The following RP1 variants were observed in gnomAD, a reference collection of about 807,000 sequenced individuals.
RP1 encodes the protein RP1 axonemal microtubule associated.
RP1 carries 16 observed loss-of-function variants against 14.8 expected under a neutral mutation model. That is an observed-to-expected ratio of 1.08 (90% CI 0.73 to 1.65). The LOEUF (loss-of-function observed/expected upper bound fraction) is 1.65. RP1 is among the 40% of genes most tolerant of loss of function. The pLI is 0.00. For missense variants in RP1, 2,631 were observed against 2,535.0 expected, an observed-to-expected ratio of 1.04 and a Z score of -0.81; for synonymous variants, 876 against 883.6, an observed-to-expected ratio of 0.99 and a Z score of 0.15.
chr8:54,837,926 A>G (rs888579011), intron 25 of RP1, among the ~76,000 whole-genome samples: 1 of 152,238 alleles, frequency 6.6e-6, no homozygotes, highest in African/African-American at 2.4e-5. Context: ...AGTCTCATAT[A>G]ATGTTTATTT....
In RP1 at chr8:54,816,131, C is replaced by T. The variant is rs780800793; in HGVS notation, c.3616-21319C>T. On this transcript the variant is annotated intron_variant, in intron 24 of 28. Coordinates refer to the RP1 transcript ENST00000637698. ...TTCTTAAAAATAAAACCCTCACTCT[C>T]CAATTATAAACAATCCCAATGAGAG... 1.3e-5 allele frequency among the ~76,000 whole-genome samples: 2 copies of T among 152,100 alleles called. 1 individual carries two copies. The highest frequency in any genetic ancestry group is 3.9e-4 in the East Asian group (2 of 5,186).
At chr8:54,842,668 T>A (rs1032249466) in intron 25 of RP1, among the ~76,000 whole-genome samples, 1 of 152,138 alleles carries the variant, frequency 6.6e-6, no homozygotes, top group African/African-American at 2.4e-5. Context: ...GTGACCCTCT[T>A]AAAATGTCAA....
rs1217453026 is a variant in RP1, at chr8:54,621,223, C to T, written c.257C>T (p.Pro86Leu). The change falls in exon 2 of 4, where the codon CCT becomes CTT. Residue 86 changes from proline (P) to leucine (L), a missense_variant. Coordinates refer to ENST00000220676, the MANE Select transcript of RP1 (RefSeq NM_006269.2). ...LPFGVRNIST[P>L]RGRHSITRLE... is the part of the protein sequence containing the mutation. The stretch of plus-strand genomic sequence containing the variant: ...TTTGGAGTGAGGAACATCAGCACCC[C>T]TCGGGGCAGGCACAGCATCACGCGC... The T allele has an allele frequency of 1.9e-6, 3 of 1,614,184 alleles. No individual in the cohort carries two copies. The highest frequency in any genetic ancestry group is 3.3e-5 in the Admixed American group (2 of 60,028).
At chr8:54,856,888 C>A in intron 26 of RP1, 1 of 333,648 alleles carries the variant, frequency 3.0e-6, no homozygotes, top group Middle Eastern at 8.3e-4. Flanking sequence ...TAGAACTTTG[C>A]ACATAAAATA....
At chr8:54,746,613 G>C (rs139828392) in intron 19 of RP1, among the ~76,000 whole-genome samples, 4 of 152,212 alleles carry the variant, frequency 2.6e-5, no homozygotes, top group Non-Finnish European at 4.4e-5. Context: ...ATACATGTTA[G>C]CAAATGCTGT....
intron 1 of RP1, among the ~76,000 whole-genome samples, chr8:54,606,474 C>T (rs1220170154): frequency 1.3e-5 from 2 of 152,096 alleles, no homozygotes; most frequent in Non-Finnish European, 2.9e-5. Context: ...CTGCCCTTAA[C>T]ATTTATTCCT....
intron 7 of RP1, among the ~76,000 whole-genome samples, chr8:54,670,896 A>G (rs1807165623): frequency 6.6e-6 from 1 of 151,128 alleles, no homozygotes; most frequent in Non-Finnish European, 1.5e-5. Context: ...AGATGTATGT[A>G]TTGTTCTTGG....
intron 26 of RP1, among the ~76,000 whole-genome samples, chr8:54,855,934 T>C (rs1004334011): frequency 2.6e-4 from 15 of 57,836 alleles, no homozygotes; most frequent in South Asian, 7.3e-4. Flanking sequence ...AGACTTACTA[T>C]ACACACACAC....
chr8:54,860,590 T>C (rs1812321359), intron 27 of RP1, among the ~76,000 whole-genome samples: 1 of 152,116 alleles, frequency 6.6e-6, no homozygotes, highest in Admixed American at 6.5e-5. Context: ...TATATGTGCT[T>C]TTCTGTTTGT....
chr8:54,769,893 A>G (rs1200951244), exon 23 of RP1: 6 of 803,638 alleles, frequency 7.5e-6, no homozygotes, highest in African/African-American at 7.0e-5. Flanking sequence ...TTTCCTCAGA[A>G]CATCCCCTTT....
chr8:54,626,221 G>A lies in RP1; in HGVS notation c.2339G>A (p.Arg780Lys), dbSNP rs762382791. ...VQGLLTKRKS[R>K]SLNKISLGAP... ...GGACTTTTAACCAAAAGAAAATCTA[G>A]ATCACTAAATAAAATAAGCTTAGGA... Residue 780 changes from arginine (R) to lysine (K), a missense_variant, in exon 4 of 4, where the codon AGA becomes AAA. By Grantham distance (26) the Arg-to-Lys change is conservative (BLOSUM62 2). Transcript: ENST00000220676. 1.9e-6 allele frequency: 3 copies of A among 1,610,220 alleles called. No individual in the cohort carries two copies. Among genetic ancestry groups the A allele is most frequent in the East Asian group, 4.5e-5 (2 of 44,800 alleles).
downstream of RP1, among the ~76,000 whole-genome samples, chr8:54,631,291 AC>A (rs1283174484): frequency 3.3e-5 from 5 of 152,232 alleles, no homozygotes; most frequent in Non-Finnish European, 5.9e-5. Context: ...TTTTAAAAAA[AC>A]ATTAAGTGAT....
chr8:54,866,330 A>T (rs2129330089), intron 28 of RP1, among the ~76,000 whole-genome samples: 1 of 152,296 alleles, frequency 6.6e-6, no homozygotes, highest in African/African-American at 2.4e-5. Flanking sequence ...TTTAAACTCA[A>T]ATGATGTTAT....
intron 15 of RP1, among the ~76,000 whole-genome samples, chr8:54,715,046 T>C (rs147315917): frequency 1.0e-3 from 154 of 152,370 alleles, no homozygotes; most frequent in Non-Finnish European, 1.8e-3. Flanking sequence ...GTTTGCTTTG[T>C]TTATTGAAAT....
At chr8:54,658,378 C>T (rs1293286323) in intron 6 of RP1, among the ~76,000 whole-genome samples, 2 of 149,762 alleles carry the variant, frequency 1.3e-5, no homozygotes, top group Non-Finnish European at 2.9e-5. Flanking sequence ...GGTGAAACCC[C>T]GTCTCTACTA....
chr8:54,869,976 T>C, exon 29 of RP1: 1 of 964,556 alleles, frequency 1.0e-6, no homozygotes, highest in Non-Finnish European at 1.3e-6. Flanking sequence ...TCCAATATGC[T>C]TCAAAAGGCT....
chr8:54,679,430 C>T lies in RP1; in HGVS notation c.1489C>T (p.Gln497Ter). 1 of 1,535,654 alleles carries T rather than the reference C, an allele frequency of 6.5e-7. No homozygotes were observed. Among genetic ancestry groups the T allele is most frequent in the Admixed American group, 2.0e-5 (1 of 50,966 alleles). The change falls in exon 10 of 23, where the codon CAG becomes TAG. Residue 497 changes from glutamine to a stop codon, truncating the protein, a stop_gained. Transcript: ENST00000636932. LOFTEE classifies it high-confidence loss of function. ...CTTTTCTTTTCACAGATGGCTAGAT[C>T]AGGGGGAAGATGATTGTAAAATTGT...
chr8:54,755,969 A>G (rs150896653), intron 21 of RP1, among the ~76,000 whole-genome samples: 65 of 152,306 alleles, frequency 4.3e-4, no homozygotes, highest in African/African-American at 1.5e-3. Context: ...TACTAAACCA[A>G]CAGTATATAA....
In RP1 at chr8:54,666,899, T is replaced by C. The variant is rs1486304585; in HGVS notation, c.1323+3049T>C. Among the ~76,000 whole-genome samples the C allele has an allele frequency of 2.0e-5, 3 of 151,940 alleles. No homozygotes were observed. In the South Asian group the frequency reaches 6.2e-4, roughly 32 times the overall value. On this transcript the variant is annotated intron_variant, in intron 7 of 22. Coordinates refer to the RP1 transcript ENST00000636932. Reference sequence around the variant, plus strand: ...GAGCCAATCCCTTGGATAGCAACCATAAAAGTTAGGTTTTCTCCTCCACAA... The same window carrying C: ...GAGCCAATCCCTTGGATAGCAACCACAAAAGTTAGGTTTTCTCCTCCACAA...
Sources: allele counts gnomAD v4.1 joint callset (sites outside exome capture counted in the v4.1 genomes callset), GRCh38; gene constraint gnomAD v4.1.1; transcripts MANE v1.5; gene names NCBI Gene and HGNC (gene_info 2026-07-23, HGNC 2026-07-21).